Variants in HSPA4 observed in about 807,000 individuals in gnomAD.
The protein encoded by HSPA4 is heat shock protein family A (Hsp70) member 4.
In HSPA4, 25 loss-of-function variants were observed where a neutral mutation model predicts 106.2. That is an observed-to-expected ratio of 0.24 (90% CI 0.17 to 0.33). The LOEUF (loss-of-function observed/expected upper bound fraction) is 0.33, where lower values mean the gene tolerates loss of function less well. Ranked by LOEUF, HSPA4 falls within the 10% of genes least tolerant of loss-of-function variation. The probability of loss-of-function intolerance (pLI) is 1.00; values close to 1 mark genes in which losing one functional copy is unlikely to be tolerated. For missense variants in HSPA4, 841 were observed against 996.0 expected (o/e 0.84, Z 2.10); for synonymous variants, 332 against 333.6 (o/e 1.00, Z 0.05).
chr5:133,060,577 G>C (rs563682744), intron 1 of HSPA4, among the ~76,000 whole-genome samples: 1 of 152,218 alleles, frequency 6.6e-6, no homozygotes, highest in Non-Finnish European at 1.5e-5. Flanking sequence ...GTCCAGGCTG[G>C]TCTCAAACTC....
rs751220191 is a variant in HSPA4, at chr5:133,074,135, A to G, written c.663+9A>G. On this transcript the variant is annotated intron_variant, in intron 6 of 18. Coordinates refer to ENST00000304858, the MANE Select transcript of HSPA4 (RefSeq NM_002154.4). ...ATAGAGGAAAACTGAAAGTAAGTAT[A>G]TATTTTTTTTCCAGAAGACTGTTAG... 13 of 1,569,758 alleles carry G rather than the reference A, an allele frequency of 8.3e-6. No individual in the cohort carries two copies. The highest frequency in any genetic ancestry group is 6.0e-5 in the Admixed American group (3 of 49,916).
At chr5:133,100,874 C>T (rs987568529) in intron 16 of HSPA4, among the ~76,000 whole-genome samples, 6 of 152,182 alleles carry the variant, frequency 3.9e-5, no homozygotes, top group Middle Eastern at 3.2e-3. Context: ...GGTGTTATCA[C>T]GGCTTACTGC....
intron 11 of HSPA4, among the ~76,000 whole-genome samples, chr5:133,090,918 A>G (rs1345333313): frequency 6.6e-6 from 1 of 152,198 alleles, no homozygotes; most frequent in African/African-American, 2.4e-5. Context: ...AGTAGCATAT[A>G]AAGATAAATG....
intron 7 of HSPA4, among the ~76,000 whole-genome samples, chr5:133,079,553 G>A (rs1765489057): frequency 6.6e-6 from 1 of 151,934 alleles, no homozygotes; most frequent in African/African-American, 2.4e-5. Flanking sequence ...TGGACATTTG[G>A]GTTTCTACTT....
At position 133,091,213 on chromosome 5, in the gene HSPA4, G is replaced by A; in HGVS notation, c.1399G>A (p.Val467Ile). 6.2e-7 allele frequency: 1 copy of A among 1,614,066 alleles called. No individual in the cohort carries two copies. The highest frequency in any genetic ancestry group is 1.1e-5 in the South Asian group (1 of 91,076). ...CCTAGCTCAGTTTTCAGTTCAGAAA[G>A]TCACTCCTCAGTCTGATGGCTCCAG... Reference protein sequence around the residue: ...PAIAQFSVQKVTPQSDGSSSK... With the variant: ...PAIAQFSVQKITPQSDGSSSK... The change falls in exon 12 of 19, where the codon GTC becomes ATC. Residue 467 changes from valine to isoleucine, a missense_variant. Physicochemically the swap from Val to Ile is conservative, Grantham distance 29. Transcript: ENST00000304858.
At chr5:133,074,283 C>CTTTTTTTTTTTTTTTTTTTTTTTTTTCTT (rs200933492) in intron 6 of HSPA4, among the ~76,000 whole-genome samples, 157 bp downstream of exon 6, 1 of 143,888 alleles carries the variant, frequency 6.9e-6, no homozygotes, top group Non-Finnish European at 1.5e-5. Context: ...TTTTTTTTCT[C>CTTTTTTTTTTTTTTTTTTTTTTTTTTCTT]TTTTTTTTTT....
intron 15 of HSPA4, 134 bp downstream of exon 15, chr5:133,097,420 T>G: frequency 1.7e-6 from 1 of 573,726 alleles, no homozygotes; most frequent in Non-Finnish European, 3.0e-6. Flanking sequence ...GGGGCAAAAT[T>G]TTATATTTTT....
At chr5:133,061,446 A>G (rs551245141) in intron 1 of HSPA4, among the ~76,000 whole-genome samples, 2 of 151,290 alleles carry the variant, frequency 1.3e-5, no homozygotes, top group African/African-American at 2.4e-5. Flanking sequence ...GCTGTTCATG[A>G]CTTCTTCCAA....
intron 17 of HSPA4, among the ~76,000 whole-genome samples, chr5:133,102,995 C>T (rs1765807678): frequency 7.0e-6 from 1 of 143,554 alleles, no homozygotes; most frequent in Non-Finnish European, 1.5e-5. Flanking sequence ...GATCCACCCA[C>T]CTCAACCTCC....
Position 133,076,761 on chromosome 5 carries a change from G to C in HSPA4, c.771G>C (p.Lys257Asn). 2 of 1,614,002 alleles carry C rather than the reference G, an allele frequency of 1.2e-6. No homozygotes were observed. The highest frequency in any genetic ancestry group is 1.7e-6 in the Non-Finnish European group (2 of 1,179,946). ...EFGKKYKLDI[K>N]SKIRALLRLS... ...GGAAGAAATACAAGCTAGACATTAAGTCCAAAATCCGTGCATTATTACGAC... is the reference window on the plus strand; with the variant it reads ...GGAAGAAATACAAGCTAGACATTAACTCCAAAATCCGTGCATTATTACGAC... The change falls in exon 7 of 19, where the codon AAG (lysine) becomes AAC (asparagine). Residue 257 changes from lysine (K) to asparagine (N), a missense_variant. Coordinates refer to ENST00000304858, the MANE Select transcript of HSPA4 (RefSeq NM_002154.4).
chr5:133,098,276 G>A (rs2126716033), intron 15 of HSPA4, among the ~76,000 whole-genome samples: 1 of 152,114 alleles, frequency 6.6e-6, no homozygotes, highest in Non-Finnish European at 1.5e-5. Flanking sequence ...ATTCCATGGT[G>A]TGTATATACC....
At position 133,089,670 on chromosome 5, in the gene HSPA4, T is replaced by G; in HGVS notation, c.1353T>G (p.Asp451Glu). ...AGGCCTACTACAGCTCTCCTCAGGA[T>G]TTGCCCTATCCAGATCCTGCTATAG... The part of the protein sequence containing the change: ...TLEAYYSSPQ[D>E]LPYPDPAIAQ... The change falls in exon 11 of 19, where the codon GAT becomes GAG. Residue 451 changes from aspartate to glutamate, a missense_variant. Physicochemically the swap from Asp to Glu is conservative, Grantham distance 45. Transcript: ENST00000304858. 1 of 1,609,670 alleles carries G rather than the reference T, an allele frequency of 6.2e-7. No homozygotes were observed. Among genetic ancestry groups the G allele is most frequent in the Non-Finnish European group, 8.5e-7 (1 of 1,177,456 alleles).
intron 8 of HSPA4, among the ~76,000 whole-genome samples, chr5:133,087,906 G>A (rs1347332762): frequency 6.6e-6 from 1 of 152,212 alleles, no homozygotes; most frequent in Non-Finnish European, 1.5e-5. Context: ...TTACAAGCAT[G>A]AGCCACCATG....
At chr5:133,092,676 G>T (rs1196119332) in intron 12 of HSPA4, 24 bp from the exon 13 acceptor site, 6 of 1,512,426 alleles carry the variant, frequency 4.0e-6, no homozygotes, top group South Asian at 1.1e-5. Flanking sequence ...CTAATTGCAG[G>T]ATTTAATTTG....
intron 11 of HSPA4, among the ~76,000 whole-genome samples, chr5:133,090,102 C>T (rs1246110466): frequency 2.0e-5 from 3 of 152,104 alleles, no homozygotes; most frequent in South Asian, 2.1e-4. Context: ...AAGGAGTTAA[C>T]GAAATTCAGT....
intron 8 of HSPA4, among the ~76,000 whole-genome samples, chr5:133,087,699 C>G (rs1223898009): frequency 1.3e-5 from 2 of 152,228 alleles, no homozygotes; most frequent in Non-Finnish European, 2.9e-5. Flanking sequence ...TCTCAGCTCA[C>G]TGCAACCTCC....
chr5:133,083,620 C>T (rs574382845), intron 7 of HSPA4, among the ~76,000 whole-genome samples: 110 of 152,100 alleles, frequency 7.2e-4, no homozygotes, highest in African/African-American at 2.6e-3. Flanking sequence ...TCACCTTAAC[C>T]TCCGCCTCCC....
chr5:133,075,865 C>A (rs1361236571), intron 6 of HSPA4, among the ~76,000 whole-genome samples: 1 of 151,968 alleles, frequency 6.6e-6, no homozygotes, highest in Admixed American at 6.6e-5. Context: ...AAGTTACTTA[C>A]AATCTTACCA....
chr5:133,055,204 T>A (rs546840108), intron 1 of HSPA4, among the ~76,000 whole-genome samples: 3 of 152,158 alleles, frequency 2.0e-5, no homozygotes, highest in African/African-American at 7.2e-5. Context: ...CTTACAGGCA[T>A]GCCATACATT....
Sources: allele counts gnomAD v4.1 joint callset (sites outside exome capture counted in the v4.1 genomes callset), GRCh38; gene constraint gnomAD v4.1.1; transcripts MANE v1.5; gene names NCBI Gene and HGNC (gene_info 2026-07-23, HGNC 2026-07-21).